Variants in NID2 observed in about 807,000 individuals in gnomAD.
NID2 encodes the protein nidogen-2.
NID2 carries 83 observed loss-of-function variants against 145.4 expected under a neutral mutation model. The ratio of observed to expected loss-of-function variants is 0.57; its 90% CI spans 0.48 to 0.69. The LOEUF is 0.69. Ranked by LOEUF, NID2 falls within the 30% of genes least tolerant of loss-of-function variation. NID2 has a pLI of 0.00. For synonymous variants in NID2, 739 were observed against 701.3 expected (o/e 1.05, Z -0.85); for missense variants, 1,807 against 1,765.7 (o/e 1.02, Z -0.42).
At chr14:52,012,614 A>G (rs931328561) in intron 16 of NID2, among the ~76,000 whole-genome samples, 1 of 152,176 alleles carries the variant, frequency 6.6e-6, no homozygotes, top group African/African-American at 2.4e-5. Context: ...GAAGGAAAAA[A>G]TCTAATTTAT....
At chr14:52,063,169 C>G (rs1270532693) in intron 2 of NID2, among the ~76,000 whole-genome samples, 6 of 152,208 alleles carry the variant, frequency 3.9e-5, no homozygotes, top group African/African-American at 1.4e-4. Flanking sequence ...GACTGGCTTC[C>G]AAACAGGAAA....
At chr14:52,028,540 C>G in intron 11 of NID2, 182 bp downstream of exon 11, 1 of 559,526 alleles carries the variant, frequency 1.8e-6, no homozygotes, top group East Asian at 3.7e-5. Flanking sequence ...CCTTCCAAAG[C>G]GATGATTACA....
chr14:52,043,380 G>C lies in NID2; in HGVS notation c.1430-449C>G, dbSNP rs191791493. Among the ~76,000 whole-genome samples, 24 of 152,236 alleles carry C rather than the reference G, an allele frequency of 1.6e-4. No homozygotes were observed. The East Asian group carries it at 4.6e-3, about 29-fold the overall frequency. ...AACCATCCTTCTTTTAGGGAACACT[G>C]AACTTAAAAAAGATAATAGCTGGTC... On this transcript the variant is annotated intron_variant, in intron 5 of 21. Coordinates refer to ENST00000216286, the MANE Select transcript of NID2 (RefSeq NM_007361.4).
At position 52,015,196 on chromosome 14, in the gene NID2, A is replaced by C. The variant is rs905781403; in HGVS notation, c.3108T>G (p.Asp1036Glu). The change falls in exon 15 of 22, where the codon GAT becomes GAG. Residue 1036 changes from aspartate to glutamate, a missense_variant. By Grantham distance (45) the Asp-to-Glu change is conservative. Transcript: ENST00000216286. The stretch of plus-strand genomic sequence containing the variant: ...CATCGCACTGGGGCACGTACTGGTC[A>C]TCCCGGGGGGTGCCACCGTAGTGCT... ...LLEHYGGTPR[D>E]DQYVPQCDDL... The C allele has an allele frequency of 6.2e-7, 1 of 1,613,692 alleles. No individual in the cohort carries two copies. The highest frequency in any genetic ancestry group is 1.3e-5 in the African/African-American group (1 of 74,792).
chr14:52,019,725 G>A (rs1891334619), intron 13 of NID2, among the ~76,000 whole-genome samples: 1 of 152,178 alleles, frequency 6.6e-6, no homozygotes, highest in Non-Finnish European at 1.5e-5. Context: ...CTTAACCCTG[G>A]CTACCGGCGC....
chr14:52,011,131 G>C lies in NID2; in HGVS notation c.3551-84C>G, dbSNP rs1009483609. On this transcript the variant is annotated intron_variant, in intron 17 of 21. Transcript: ENST00000216286. The stretch of plus-strand genomic sequence containing the variant: ...AGCCCTCCAACGGTCGGGTGGGCAG[G>C]GGGGTCAGCAGGGGAAAGCAAAGCC... The C allele has an allele frequency of 4.3e-6, 6 of 1,395,248 alleles. No individual in the cohort carries two copies. In the African/African-American group the frequency reaches 8.6e-5, roughly 20 times the overall value. The allele number at this position is 1,395,248 out of a possible 1,614,324, so 86.4% of individuals were successfully genotyped here. A position where few individuals can be genotyped will look rare whatever the true frequency, so the allele number is the denominator to read the frequency against.
intron 5 of NID2, among the ~76,000 whole-genome samples, chr14:52,051,076 G>C (rs1892663354): frequency 6.6e-6 from 1 of 152,192 alleles, no homozygotes; most frequent in Admixed American, 6.5e-5. Flanking sequence ...CTGTTCTGTG[G>C]CCTAGGAAGA....
At chr14:52,041,852 G>T (rs1892291039) in intron 7 of NID2, among the ~76,000 whole-genome samples, 1 of 152,202 alleles carries the variant, frequency 6.6e-6, no homozygotes, top group East Asian at 1.9e-4. Context: ...GGACACAAAT[G>T]TTCTGAATGG....
chr14:52,049,664 T>C lies in NID2; in HGVS notation c.1429+3915A>G, dbSNP rs559012948. 1.6e-3 allele frequency among the ~76,000 whole-genome samples: 246 copies of C among 151,824 alleles called. 1 individual carries two copies. The highest frequency in any genetic ancestry group is 3.0e-3 in the Non-Finnish European group (202 of 67,964). On this transcript the variant is annotated intron_variant, in intron 5 of 21. Transcript: ENST00000216286. Reference sequence around the variant, plus strand: ...TGACAGACTAGTTAGAAAAACCATATCCAACTTTATAACAAACAGTGGAAT... The same window carrying C: ...TGACAGACTAGTTAGAAAAACCATACCCAACTTTATAACAAACAGTGGAAT...
intron 10 of NID2, 92 bp from the exon 11 acceptor site, chr14:52,028,942 T>A (rs1285886244): frequency 2.7e-5 from 34 of 1,257,416 alleles, no homozygotes; most frequent in Non-Finnish European, 3.8e-5. Flanking sequence ...ACTAGTATGA[T>A]GCTTCAATGG....
At chr14:52,006,978 T>TTACAAA (rs1890810317) in intron 19 of NID2, 1 of 203,384 alleles carries the variant, frequency 4.9e-6, no homozygotes, top group African/African-American at 2.3e-5. Context: ...TTATAACATC[T>TTACAAA]GGGTAAATAC....
At chr14:52,042,572 G>T (rs1372736124) in intron 6 of NID2, among the ~76,000 whole-genome samples, 1 of 152,144 alleles carries the variant, frequency 6.6e-6, no homozygotes, top group Non-Finnish European at 1.5e-5. Context: ...TAATGAGCTG[G>T]CAGAAGGAAG....
chr14:52,031,005 G>A (rs1487756011), intron 9 of NID2, among the ~76,000 whole-genome samples: 1 of 152,228 alleles, frequency 6.6e-6, no homozygotes, highest in Admixed American at 6.5e-5. Flanking sequence ...TCACAGAGAG[G>A]CCAAATAACC....
At chr14:52,063,903 A>G (rs747229988) in intron 2 of NID2, among the ~76,000 whole-genome samples, 1 of 152,222 alleles carries the variant, frequency 6.6e-6, no homozygotes, top group Non-Finnish European at 1.5e-5. Context: ...GCTGAGTGCT[A>G]TCACATCCCT....
intron 3 of NID2, among the ~76,000 whole-genome samples, chr14:52,055,876 A>G (rs1380142800): frequency 6.6e-6 from 1 of 152,090 alleles, no homozygotes; most frequent in African/African-American, 2.4e-5. Context: ...CATCATGTTC[A>G]TGTGGATTTC....
In NID2 at chr14:52,060,285, G is replaced by T; in HGVS notation, c.606C>A (p.Asn202Lys). The T allele has an allele frequency of 1.2e-6, 2 of 1,612,726 alleles. No homozygotes were observed. The highest frequency in any genetic ancestry group is 1.3e-5 in the African/African-American group (1 of 74,612). The change falls in exon 3 of 22, where the codon AAC becomes AAA. Residue 202 changes from asparagine to lysine, a missense_variant. Physicochemically the swap from Asn to Lys is moderately conservative, Grantham distance 94. Coordinates refer to ENST00000216286, the MANE Select transcript of NID2 (RefSeq NM_007361.4). ...GGCGGGTTCCAAGGAACTGCAGGCC[G>T]TTGGCAGGATAAAGAAAGAGGGCGT... ...DSYALFLYPA[N>K]GLQFLGTRPK...
In NID2 at chr14:52,056,624, C is replaced by T. The variant is rs190001229; in HGVS notation, c.768-2303G>A. The stretch of plus-strand genomic sequence containing the variant: ...CAGCCTGGCCAACATGGTGAAACCC[C>T]ACTATAAATACAAAAAAAATAGTCA... On this transcript the variant is annotated intron_variant, in intron 3 of 21. Coordinates refer to ENST00000216286, the MANE Select transcript of NID2 (RefSeq NM_007361.4). Among the ~76,000 whole-genome samples the T allele has an allele frequency of 3.9e-5, 6 of 151,976 alleles. No individual in the cohort carries two copies. In the East Asian group the frequency reaches 1.2e-3, roughly 29 times the overall value.
At chr14:52,019,603 A>G (rs1891330203) in intron 13 of NID2, among the ~76,000 whole-genome samples, 1 of 152,172 alleles carries the variant, frequency 6.6e-6, no homozygotes, top group African/African-American at 2.4e-5. Flanking sequence ...GCCAAAGCTC[A>G]TTCATGCCCT....
At position 52,019,129 on chromosome 14, in the gene NID2, T is replaced by C; in HGVS notation, c.2960A>G (p.Asp987Gly). Residue 987 changes from aspartate (D) to glycine (G), a missense_variant, in exon 14 of 22, where the codon GAT becomes GGT. Physicochemically the swap from Asp to Gly is moderately conservative, Grantham distance 94. Coordinates refer to ENST00000216286, the MANE Select transcript of NID2 (RefSeq NM_007361.4). Reference sequence around the variant, plus strand: ...CTGGGTACCAGGAACTTCATGACCATCAGGGTCCACGCACCAGCAGAAACC... The same window carrying C: ...CTGGGTACCAGGAACTTCATGACCACCAGGGTCCACGCACCAGCAGAAACC... ...STGFCWCVDP[D>G]GHEVPGTQTP... 1.2e-6 allele frequency: 2 copies of C among 1,614,094 alleles called. No homozygotes were observed. Among genetic ancestry groups the C allele is most frequent in the Non-Finnish European group, 1.7e-6 (2 of 1,180,020 alleles).
Sources: allele counts gnomAD v4.1 joint callset (sites outside exome capture counted in the v4.1 genomes callset), GRCh38; gene constraint gnomAD v4.1.1; transcripts MANE v1.5; gene names NCBI Gene and HGNC (gene_info 2026-07-23, HGNC 2026-07-21).